Variants in IGSF1 observed in about 807,000 individuals in gnomAD.
IGSF1 encodes the protein immunoglobulin superfamily member 1, also known as immunoglobulin-like domain-containing protein 1.
A neutral mutation model predicts 95.3 loss-of-function variants in IGSF1; 40 were observed. That is an observed-to-expected ratio of 0.42 (90% CI 0.33 to 0.55). IGSF1 has a LOEUF of 0.55. Among genes scored for constraint, IGSF1 ranks in the 20% least tolerant of loss-of-function variants. The probability of loss-of-function intolerance (pLI) is 0.10; values close to 1 mark genes in which losing one functional copy is unlikely to be tolerated. For synonymous variants in IGSF1, 372 were observed against 382.9 expected, an observed-to-expected ratio of 0.97 and a Z score of 0.33; for missense variants, 906 against 1,025.4, an observed-to-expected ratio of 0.88 and a Z score of 1.59.
intron 8 of IGSF1, 46 bp from the exon 9 acceptor site, chrX:131,281,384 G>T: frequency 8.3e-7 from 1 of 1,198,579 alleles, no homozygotes; most frequent in Non-Finnish European, 1.1e-6. Flanking sequence ...TGGGGACAGG[G>T]GCAGGTGAAT....
At chrX:131,286,139 C>T in intron 3 of IGSF1, 91 bp from the exon 4 acceptor site, 1 of 835,531 alleles carries the variant, frequency 1.2e-6, no homozygotes, top group Admixed American at 3.0e-5. Flanking sequence ...TTAGCCCGGA[C>T]CCAGATCCCT....
At position 131,281,289 on chromosome X, in the gene IGSF1, T is replaced by A. The variant is rs1569404465; in HGVS notation, c.1575A>T (p.Leu525=). ...ACAGCAAGGCAACAAGCTGCATGAT[T>A]AGAGACAACCTGATAGCTTCATTCA... is the stretch of plus-strand genomic sequence containing the variant. ...YVLNEAIRLS[L]IMQLVALLLV... Residue 525 remains leucine (L), a synonymous_variant, in exon 9 of 20, where the codon CTA becomes CTT. Transcript: ENST00000361420. The A allele has an allele frequency of 8.3e-7, 1 of 1,210,435 alleles. No homozygotes were observed. Among genetic ancestry groups the A allele is most frequent in the East Asian group, 3.0e-5 (1 of 33,822 alleles).
chrX:131,276,116 G>A lies in IGSF1; in HGVS notation c.2741C>T (p.Pro914Leu). 2.5e-6 allele frequency: 3 copies of A among 1,211,072 alleles called. No individual in the cohort carries two copies. Among genetic ancestry groups the A allele is most frequent in the Non-Finnish European group, 3.4e-6 (3 of 895,255 alleles). The stretch of plus-strand genomic sequence containing the variant: ...CCCTGAGACACTCCGAAACTGTAAG[G>A]GAACATGGGCTCCCTCCTGCAAGAG... ...FALLQEGAHVPLQFRSVSGNS... is the reference protein window; with the variant it reads ...FALLQEGAHVLLQFRSVSGNS... The change falls in exon 15 of 20, where the codon CCC becomes CTC. Residue 914 changes from proline to leucine, a missense_variant. Around this residue, in one of 5 missense-constraint regions of IGSF1, gnomAD observed 411 missense variants for 494.9 expected, o/e 0.83. Transcript: ENST00000361420.
intron 1 of IGSF1, chrX:131,289,012 A>T (rs2080682002): frequency 3.7e-6 from 1 of 272,858 alleles, no homozygotes; most frequent in Admixed American, 4.2e-5. Flanking sequence ...CAGTGCCCAG[A>T]GATTCTCACC....
Position 131,279,125 on chromosome X carries a change from G to A in IGSF1, c.1750+18C>T, listed in dbSNP as rs143063472. On this transcript the variant is annotated intron_variant, in intron 11 of 19. Coordinates refer to ENST00000361420, the MANE Select transcript of IGSF1 (RefSeq NM_001555.5). The stretch of plus-strand genomic sequence containing the variant: ...TCTCCAGGGAGGAATGTCCCAGTCT[G>A]GAGCAGGAAAAACTCACCAGTCTCT... 2,015 of 1,191,104 alleles carry A rather than the reference G, an allele frequency of 1.7e-3. No homozygotes were observed. Among genetic ancestry groups the A allele is most frequent in the Non-Finnish European group, 2.1e-3 (1,874 of 877,895 alleles).
At chrX:131,284,470 G>C in intron 5 of IGSF1, 1 of 738,088 alleles carries the variant, frequency 1.4e-6, no homozygotes, top group Non-Finnish European at 1.6e-6. Context: ...ACTTTCTGTA[G>C]CACCACAGCT....
In IGSF1 at chrX:131,283,200, C is replaced by T. The variant is rs147441841; in HGVS notation, c.732G>A (p.Leu244=). 9,635 of 1,208,916 alleles carry T rather than the reference C, an allele frequency of 8.0e-3. 27 individuals are homozygous for T. Among genetic ancestry groups the T allele is most frequent in the Non-Finnish European group, 9.4e-3 (8,370 of 893,776 alleles). ...AGATTGGCCCTTGGCACCTGAGATT[C>T]AGGCTTTCTCCAGGTGCCATGATGG... is the stretch of plus-strand genomic sequence containing the variant. ...PGPIMAPGES[L]NLRCQGPIYG... The change falls in exon 6 of 20, where the codon CTG becomes CTA. Residue 244 remains leucine, a synonymous_variant. Transcript: ENST00000361420.
intron 1 of IGSF1, among the ~76,000 whole-genome samples, chrX:131,288,544 C>G (rs945053802): frequency 1.8e-5 from 2 of 111,754 alleles, no homozygotes; most frequent in Non-Finnish European, 3.8e-5. Context: ...AGCCTTGCCA[C>G]TTGGACCCCT....
In IGSF1 at chrX:131,281,952, C is replaced by T. The variant is rs184648797; in HGVS notation, c.1247-8G>A. Reference sequence around the variant, plus strand: ...AGGGTTTGGGGGGCTTATCTGAAACCAATCCAGAGACCAGAGTGAGAAGTG... The same window carrying T: ...AGGGTTTGGGGGGCTTATCTGAAACTAATCCAGAGACCAGAGTGAGAAGTG... On this transcript the variant is annotated splice_polypyrimidine_tract_variant and splice_region_variant and intron_variant, in intron 7 of 19. Transcript: ENST00000361420. 4 of 1,193,784 alleles carry T rather than the reference C, an allele frequency of 3.4e-6. No individual in the cohort carries two copies. The highest frequency in any genetic ancestry group is 2.2e-5 in the Admixed American group (1 of 44,913).
intron 9 of IGSF1, among the ~76,000 whole-genome samples, chrX:131,279,773 G>A (rs1346184590): frequency 8.9e-6 from 1 of 111,784 alleles, no homozygotes; most frequent in Non-Finnish European, 1.9e-5. Flanking sequence ...TCAAGTTTAA[G>A]TTCGGAAGCA....
chrX:131,281,811 G>T lies in IGSF1; in HGVS notation c.1380C>A (p.Phe460Leu), dbSNP rs1254005767. 1.3e-5 allele frequency: 16 copies of T among 1,209,267 alleles called. No homozygotes were observed. Among genetic ancestry groups the T allele is most frequent in the Non-Finnish European group, 1.7e-5 (15 of 894,783 alleles). ...AGTCTCCGTTTACTGAGAATTTTTG[G>T]AATGTTTCTCTTTCTTCCCATTCCA... is the stretch of plus-strand genomic sequence containing the variant. Reference protein sequence around the residue: ...FSLEWEERETFQKFSVNGDFI... With the variant: ...FSLEWEERETLQKFSVNGDFI... Residue 460 changes from phenylalanine to leucine, a missense_variant, in exon 8 of 20, where the codon TTC becomes TTA. Physicochemically the swap from Phe to Leu is conservative, Grantham distance 22. This residue lies in a region of IGSF1 where 442 missense variants were observed against 448.1 expected (regional missense o/e 0.99). Coordinates refer to ENST00000361420, the MANE Select transcript of IGSF1 (RefSeq NM_001555.5).
At chrX:131,277,788 G>A in intron 13 of IGSF1, 68 bp downstream of exon 13, 1 of 1,104,295 alleles carries the variant, frequency 9.1e-7, no homozygotes, top group Non-Finnish European at 1.2e-6. Flanking sequence ...GGAGAGGAGT[G>A]TCTGACCCAG....
chrX:131,281,195 G>A, intron 9 of IGSF1, 23 bp downstream of exon 9: 1 of 1,206,350 alleles, frequency 8.3e-7, no homozygotes, highest in Non-Finnish European at 1.1e-6. Context: ...TTGGGGAACA[G>A]GGGGCTGGGA....
At chrX:131,282,869 T>C in intron 6 of IGSF1, 111 bp downstream of exon 6, 1 of 927,591 alleles carries the variant, frequency 1.1e-6, no homozygotes, top group Non-Finnish European at 1.5e-6. Context: ...CAAATTCTGC[T>C]CCCTTCTCTA....
rs1438942639 is a variant in IGSF1 at position 131,276,976 on chromosome X, C to G, written c.2571G>C (p.Trp857Cys). Residue 857 changes from tryptophan to cysteine, a missense_variant, in exon 14 of 20, where the codon TGG (tryptophan) becomes TGC (cysteine). Physicochemically the swap from Trp to Cys is radical, Grantham distance 215. This residue lies in a region of IGSF1 where 411 missense variants were observed against 494.9 expected (regional missense o/e 0.83). Transcript: ENST00000361420. ...GCTCCACAGGGTCGCTGGGCTCAGA[C>G]CAGATAGAAAAGTCATAATATCGGC... ...YSCRYYDFSIWSEPSDPVELV... is the reference protein window; with the variant it reads ...YSCRYYDFSICSEPSDPVELV... 3.3e-6 allele frequency: 4 copies of G among 1,209,508 alleles called. No homozygotes were observed.
Position 131,275,527 on chromosome X carries a change from G to A in IGSF1, c.3135C>T (p.Thr1045=). ...RYSCCYHPDW[T]SSIKIQPSNT... ...TGCTAGGTTGTATCTTGATAGAACT[G>A]GTCCAGTCAGGGTGGTAGCAGCAGC... Residue 1045 remains threonine (T), a synonymous_variant, in exon 16 of 20, where the codon ACC becomes ACT. Transcript: ENST00000361420. 1 of 1,211,326 alleles carries A rather than the reference G, an allele frequency of 8.3e-7. No homozygotes were observed.
rs1190077866 is a variant in IGSF1 at position 131,289,246 on chromosome X, T to TCTCCAGTGAGCTC, written c.-113_-101dup. 3 of 369,808 alleles carry TCTCCAGTGAGCTC rather than the reference T, an allele frequency of 8.1e-6. No individual in the cohort carries two copies. The highest frequency in any genetic ancestry group is 7.5e-5 in the East Asian group (1 of 13,303). 30.5% of individuals were successfully genotyped at this position (369,808 alleles called of 1,213,427 possible). A position where few individuals can be genotyped will look rare whatever the true frequency, so the allele number is the denominator to read the frequency against. On this transcript the variant is annotated 5_prime_UTR_variant, in exon 1 of 20. The change abolishes the stop of an existing upstream ORF in the 5' untranslated region. Transcript: ENST00000361420. ...GAAGGCCCGCTCCGATGTTGGAGAT[T>TCTCCAGTGAGCTC]CTCCAGTGAGCTCCTCCAGATGCAG...
chrX:131,278,796 C>G (rs865992322), intron 11 of IGSF1, 45 bp from the exon 12 acceptor site: 2 of 1,128,529 alleles, frequency 1.8e-6, no homozygotes, highest in South Asian at 2.0e-5. Flanking sequence ...GCCTCCCTTC[C>G]CCTCCCTCCT....
Position 131,283,061 on chromosome X carries a change from T to G in IGSF1, c.871A>C (p.Thr291Pro). The change falls in exon 6 of 20, where the codon ACT becomes CCT. Residue 291 changes from threonine to proline, a missense_variant. Physicochemically the swap from Thr to Pro is conservative, Grantham distance 38. This residue lies in a region of IGSF1 where 442 missense variants were observed against 448.1 expected (regional missense o/e 0.99). Coordinates refer to ENST00000361420, the MANE Select transcript of IGSF1 (RefSeq NM_001555.5). ...FFFQSLKIQD[T>P]GHYLCFYYDA... Reference sequence around the variant, plus strand: ...TAGTAAAAACAGAGGTAATGTCCAGTATCTTGGATCTTCAAAGACTGGAAG... The same window carrying G: ...TAGTAAAAACAGAGGTAATGTCCAGGATCTTGGATCTTCAAAGACTGGAAG... The G allele has an allele frequency of 8.3e-7, 1 of 1,204,090 alleles. No individual in the cohort carries two copies. The highest frequency in any genetic ancestry group is 1.1e-6 in the Non-Finnish European group (1 of 888,156).
Sources: allele counts gnomAD v4.1 joint callset (sites outside exome capture counted in the v4.1 genomes callset), GRCh38; gene constraint gnomAD v4.1.1; regional missense constraint gnomAD v4.1.1; transcripts MANE v1.5; gene names NCBI Gene and HGNC (gene_info 2026-07-23, HGNC 2026-07-21).